Variants in C9 observed in about 807,000 individuals in gnomAD.
C9 encodes complement C9, also known as complement component C9.
Under a neutral mutation model 65.4 loss-of-function variants are expected in C9, and 63 were observed. The observed-to-expected ratio is 0.96, with a 90% confidence interval of 0.79 to 1.19. The LOEUF (loss-of-function observed/expected upper bound fraction) is 1.19, where lower values mean the gene tolerates loss of function less well. Among genes scored for constraint, C9 ranks in the 50% most tolerant of loss-of-function variants. C9 has a pLI of 0.00. For synonymous variants in C9, 229 were observed against 227.9 expected (o/e 1.00, Z -0.04); for missense variants, 744 against 670.1 (o/e 1.11, Z -1.22).
intron 1 of C9, among the ~76,000 whole-genome samples, chr5:39,353,574 GTAATT>G (rs1754359615): frequency 6.6e-6 from 1 of 152,152 alleles, no homozygotes; most frequent in South Asian, 2.1e-4. Flanking sequence ...ACCTCCCCGT[GTAATT>G]TAGTTTTCTA....
At chr5:39,357,670 G>C (rs996587162) in intron 1 of C9, among the ~76,000 whole-genome samples, 5 of 152,210 alleles carry the variant, frequency 3.3e-5, no homozygotes, top group African/African-American at 1.2e-4. Flanking sequence ...CCTAGGACTG[G>C]AGTTGGGAGG....
chr5:39,292,029 G>C (rs1386322055), intron 9 of C9, among the ~76,000 whole-genome samples: 1 of 151,502 alleles, frequency 6.6e-6, no homozygotes, highest in Non-Finnish European at 1.5e-5. Flanking sequence ...GGTTGAGAGG[G>C]GGAGAGAAAG....
chr5:39,339,173 C>T (rs943798012), intron 4 of C9, among the ~76,000 whole-genome samples: 1 of 152,110 alleles, frequency 6.6e-6, no homozygotes, highest in Non-Finnish European at 1.5e-5. Context: ...ACTCCCATGC[C>T]ATTTACTGCC....
At chr5:39,291,390 C>T (rs1753089969) in intron 9 of C9, among the ~76,000 whole-genome samples, 2 of 150,894 alleles carry the variant, frequency 1.3e-5, no homozygotes, top group Admixed American at 1.3e-4. Context: ...CATGAAGAGA[C>T]AAAAGGATAG....
chr5:39,296,982 C>T (rs1753196304), intron 9 of C9, among the ~76,000 whole-genome samples: 1 of 151,392 alleles, frequency 6.6e-6, no homozygotes, highest in Admixed American at 6.6e-5. Context: ...GACAAAACCA[C>T]AGCCAACATC....
At chr5:39,317,998 T>G (rs1753600795) in intron 5 of C9, among the ~76,000 whole-genome samples, 1 of 152,202 alleles carries the variant, frequency 6.6e-6, no homozygotes, top group South Asian at 2.1e-4. Flanking sequence ...TGTTTTTCCA[T>G]TTGCTTATGT....
intron 4 of C9, among the ~76,000 whole-genome samples, chr5:39,334,745 C>T (rs1404904877): frequency 1.8e-3 from 267 of 146,966 alleles, no homozygotes; most frequent in African/African-American, 5.8e-3. Flanking sequence ...AGGTGAGGGG[C>T]GCCTCTGCCC....
chr5:39,344,426 T>A (rs1476359512), intron 1 of C9, among the ~76,000 whole-genome samples: 1 of 152,150 alleles, frequency 6.6e-6, no homozygotes, highest in Admixed American at 6.5e-5. Flanking sequence ...GTATCAGTGA[T>A]TGAAGATCAA....
intron 5 of C9, among the ~76,000 whole-genome samples, chr5:39,324,316 T>C (rs1375919620): frequency 6.6e-6 from 1 of 152,142 alleles, no homozygotes; most frequent in Non-Finnish European, 1.5e-5. Flanking sequence ...AGAACAATCC[T>C]AAATTTTGTA....
rs1204634831 is a variant in C9 at position 39,364,428 on chromosome 5, T to C, written c.37A>G (p.Ile13Val). ...GCTGTGAGGATGCTTATTTCTAAAATGCAGATTGCAACTGCAAAGCTCCGG... is the reference window on the plus strand; with the variant it reads ...GCTGTGAGGATGCTTATTTCTAAAACGCAGATTGCAACTGCAAAGCTCCGG... ...ACRSFAVAIC[I>V]LEISILTAQY... Residue 13 changes from isoleucine to valine, a missense_variant, in exon 1 of 11, where the codon ATT becomes GTT. Transcript: ENST00000263408. 1.2e-6 allele frequency: 2 copies of C among 1,610,810 alleles called. No homozygotes were observed. The highest frequency in any genetic ancestry group is 1.7e-5 in the Admixed American group (1 of 60,016).
chr5:39,333,642 CG>C (rs1373310371), intron 4 of C9, among the ~76,000 whole-genome samples: 1 of 149,000 alleles, frequency 6.7e-6, no homozygotes, highest in Non-Finnish European at 1.5e-5. Flanking sequence ...TCTCTTTCCA[CG>C]GTCTCCCTCT....
rs1297122865 is a variant in C9 at position 39,306,721 on chromosome 5, A to G, written c.1312T>C (p.Phe438Leu). The change falls in exon 9 of 11, where the codon TTT becomes CTT. Residue 438 changes from phenylalanine to leucine, a missense_variant. By Grantham distance (22) the Phe-to-Leu change is conservative (BLOSUM62 0). Transcript: ENST00000263408. ...CGGAGAAGCTTTTCTTTCAGTTCAA[A>G]TGCATATTTTCTGGTTCCACCTCTT... ...LIRGGTRKYAFELKEKLLRGT... is the reference protein window; with the variant it reads ...LIRGGTRKYALELKEKLLRGT... 1 of 1,612,728 alleles carries G rather than the reference A, an allele frequency of 6.2e-7. No individual in the cohort carries two copies. Among genetic ancestry groups the G allele is most frequent in the East Asian group, 2.2e-5 (1 of 44,856 alleles).
chr5:39,315,991 T>C lies in C9; in HGVS notation c.654A>G (p.Glu218=). ...TACTTTTAAATGCTTCAATTTGTTC[T>C]TCGTAATGTTCGGTTCTGAAATTTT... ...GEKNFRTEHY[E]EQIEAFKSII... is the part of the protein sequence containing the mutation. The change falls in exon 6 of 11, where the codon GAA becomes GAG. Residue 218 remains glutamate (E), a synonymous_variant. Coordinates refer to ENST00000263408, the MANE Select transcript of C9 (RefSeq NM_001737.5). The C allele has an allele frequency of 1.9e-6, 3 of 1,612,544 alleles. No individual in the cohort carries two copies. The highest frequency in any genetic ancestry group is 2.5e-6 in the Non-Finnish European group (3 of 1,179,060).
intron 7 of C9, 55 bp downstream of exon 7, chr5:39,311,082 A>G (rs1267417197): frequency 1.9e-6 from 3 of 1,597,152 alleles, no homozygotes; most frequent in Admixed American, 1.7e-5. Context: ...TTGGTGAACA[A>G]AATAATGTTT....
chr5:39,329,007 C>T (rs1753799641), intron 5 of C9, among the ~76,000 whole-genome samples: 1 of 152,144 alleles, frequency 6.6e-6, no homozygotes. Context: ...TTGTTCATCT[C>T]CCAAATCTTA....
intron 9 of C9, among the ~76,000 whole-genome samples, chr5:39,291,923 C>A (rs182687456): frequency 6.6e-6 from 1 of 151,442 alleles, no homozygotes; most frequent in East Asian, 1.9e-4. Flanking sequence ...AGGGAGGGAA[C>A]CCAGAACTAA....
At position 39,341,395 on chromosome 5, in the gene C9, A is replaced by G. The variant is rs114688560; in HGVS notation, c.329-102T>C. On this transcript the variant is annotated intron_variant, in intron 3 of 10. Transcript: ENST00000263408. Reference sequence around the variant, plus strand: ...TTTAACCCTGGAGGTGAGGTATCAGAAAAACACATTTGAGTTCTTTGTACA... The same window carrying G: ...TTTAACCCTGGAGGTGAGGTATCAGGAAAACACATTTGAGTTCTTTGTACA... 1,188 of 1,491,864 alleles carry G rather than the reference A, an allele frequency of 8.0e-4. 11 individuals are homozygous for G. The African/African-American group carries it at 0.014, about 18-fold the overall frequency. The allele number at this position is 1,491,864 out of a possible 1,614,324, so 92.4% of individuals were successfully genotyped here.
At chr5:39,361,687 C>G (rs1469893788) in intron 1 of C9, among the ~76,000 whole-genome samples, 1 of 152,172 alleles carries the variant, frequency 6.6e-6, no homozygotes, top group African/African-American at 2.4e-5. Flanking sequence ...ACGCTCTGAG[C>G]TACTATTCTA....
chr5:39,350,825 T>A (rs1284168499), intron 1 of C9, among the ~76,000 whole-genome samples: 6 of 152,160 alleles, frequency 3.9e-5, no homozygotes, highest in Non-Finnish European at 1.5e-5. Flanking sequence ...GGCAAGTTGG[T>A]GGATCTACCA....
Sources: gnomAD v4.1 joint callset for allele counts (sites outside exome capture counted in the v4.1 genomes callset) on GRCh38, gnomAD v4.1.1 for gene constraint, MANE v1.5 for transcripts, NCBI Gene and HGNC (gene_info 2026-07-23, HGNC 2026-07-21) for gene names.